The following BTRC variants were observed in gnomAD, a reference collection of about 807,000 sequenced individuals.
The protein encoded by BTRC is F-box/WD repeat-containing protein 1A.
In BTRC, 42 loss-of-function variants were observed where a neutral mutation model predicts 85.5. The ratio of observed to expected loss-of-function variants is 0.49; its 90% CI spans 0.38 to 0.64. The LOEUF (loss-of-function observed/expected upper bound fraction) is 0.64. Ranked by LOEUF, BTRC falls within the 30% of genes least tolerant of loss-of-function variation. The pLI, the probability that BTRC is intolerant of heterozygous loss-of-function variation, is 0.00. For missense variants in BTRC, 594 were observed against 743.5 expected (o/e 0.80, Z 2.34); for synonymous variants, 255 against 263.3 (o/e 0.97, Z 0.30).
In BTRC at chr10:101,475,266, G is replaced by A. The variant is rs79855966; in HGVS notation, c.235-4102G>A. ...CTGTTTAAAAGAAAAACAGCTGGGC[G>A]TGGTGGCTCACGCCTGCAATCCCAG... On this transcript the variant is annotated intron_variant, in intron 3 of 14. Transcript: ENST00000370187. 4.8e-3 allele frequency among the ~76,000 whole-genome samples: 729 copies of A among 152,280 alleles called. 10 individuals are homozygous for A. Among genetic ancestry groups the A allele is most frequent in the African/African-American group, 0.017 (691 of 41,548 alleles).
At position 101,354,216 on chromosome 10, in the gene BTRC, A is replaced by G. The variant is rs1398490997; in HGVS notation, c.36A>G (p.Ala12=). The change falls in exon 1 of 15, where the codon GCA becomes GCG. Residue 12 remains alanine, a synonymous_variant. Coordinates refer to ENST00000370187, the MANE Select transcript of BTRC (RefSeq NM_033637.4). ...DPAEAVLQEK[A]LKFMCSMPRS... ...CCGAGGCGGTGCTGCAAGAGAAGGCACTCAAGTTTATGGTGAGGAGACGGT... is the reference window on the plus strand; with the variant it reads ...CCGAGGCGGTGCTGCAAGAGAAGGCGCTCAAGTTTATGGTGAGGAGACGGT... 1 of 1,548,998 alleles carries G rather than the reference A, an allele frequency of 6.5e-7. No homozygotes were observed. The highest frequency in any genetic ancestry group is 8.7e-7 in the Non-Finnish European group (1 of 1,146,632).
intron 4 of BTRC, among the ~76,000 whole-genome samples, chr10:101,509,719 A>ATTTT (rs549474862): frequency 5.0e-5 from 6 of 120,350 alleles, no homozygotes; most frequent in African/African-American, 1.8e-4. Flanking sequence ...CACACAGCTA[A>ATTTT]TTTTTTTTTT....
chr10:101,366,997 T>TATATATTTATATATTTATATATATTA (rs1942463425), intron 1 of BTRC, among the ~76,000 whole-genome samples: 2 of 58,018 alleles, frequency 3.4e-5, no homozygotes, highest in African/African-American at 1.4e-4. Flanking sequence ...TATATATTAA[T>TATATATTTATATATTTATATATATTA]ATATATATTT....
intron 1 of BTRC, among the ~76,000 whole-genome samples, chr10:101,355,984 C>G (rs1283150764): frequency 6.6e-6 from 1 of 152,156 alleles, no homozygotes; most frequent in Non-Finnish European, 1.5e-5. Flanking sequence ...AAAACTGTTA[C>G]TGCTTATTTT....
chr10:101,468,655 A>G (rs1945442140), intron 3 of BTRC, among the ~76,000 whole-genome samples: 1 of 152,126 alleles, frequency 6.6e-6, no homozygotes. Context: ...CTGTCTTCCT[A>G]TACCCCCACT....
chr10:101,459,872 C>T (rs547024597), intron 2 of BTRC, among the ~76,000 whole-genome samples: 1 of 152,090 alleles, frequency 6.6e-6, no homozygotes, highest in Non-Finnish European at 1.5e-5. Flanking sequence ...GACTATTTTT[C>T]ACTTTATAAT....
intron 1 of BTRC, among the ~76,000 whole-genome samples, chr10:101,381,373 G>A (rs926930980): frequency 6.6e-6 from 1 of 152,166 alleles, no homozygotes; most frequent in Non-Finnish European, 1.5e-5. Context: ...AGTGAGTGTG[G>A]TTAATCATTG....
At chr10:101,355,470 G>A (rs978030395) in intron 1 of BTRC, among the ~76,000 whole-genome samples, 2 of 152,146 alleles carry the variant, frequency 1.3e-5, no homozygotes, top group Non-Finnish European at 2.9e-5. Context: ...TTAATCTGAT[G>A]CTTTTTGTAT....
intron 2 of BTRC, among the ~76,000 whole-genome samples, chr10:101,434,454 C>A (rs912183278): frequency 6.6e-6 from 1 of 151,866 alleles, no homozygotes; most frequent in Admixed American, 6.6e-5. Flanking sequence ...GGATCATAGA[C>A]CTAAATCGGA....
intron 1 of BTRC, among the ~76,000 whole-genome samples, chr10:101,361,365 C>T (rs187562632): frequency 0.012 from 1,846 of 152,296 alleles, 20 homozygotes; most frequent in Middle Eastern, 0.027. Context: ...CTCAGCCTCC[C>T]TAAGTGCTGG....
At chr10:101,485,473 G>T (rs1408796139) in intron 4 of BTRC, among the ~76,000 whole-genome samples, 1 of 152,188 alleles carries the variant, frequency 6.6e-6, no homozygotes, top group Non-Finnish European at 1.5e-5. Flanking sequence ...CAGGACCCAG[G>T]TTTTAGTGCT....
intron 4 of BTRC, among the ~76,000 whole-genome samples, chr10:101,498,827 C>T (rs1946330260): frequency 6.6e-6 from 1 of 152,020 alleles, no homozygotes. Flanking sequence ...CCCGTCTCTA[C>T]TAAAAATACA....
At chr10:101,402,730 A>G (rs992025545) in intron 1 of BTRC, among the ~76,000 whole-genome samples, 1 of 152,196 alleles carries the variant, frequency 6.6e-6, no homozygotes, top group Non-Finnish European at 1.5e-5. Context: ...AAAGTCATAC[A>G]ATTGGTTTGA....
At chr10:101,455,060 CTTTT>C (rs34039959) in intron 2 of BTRC, among the ~76,000 whole-genome samples, 14 of 143,360 alleles carry the variant, frequency 9.8e-5, no homozygotes, top group Middle Eastern at 3.6e-3. Context: ...ATCCAAGAAA[CTTTT>C]TTTTTTTTTT....
At chr10:101,362,046 C>T (rs559324137) in intron 1 of BTRC, among the ~76,000 whole-genome samples, 44 of 152,238 alleles carry the variant, frequency 2.9e-4, no homozygotes, top group African/African-American at 8.2e-4. Context: ...CTGCAACCCC[C>T]GACTCCCTGG....
At chr10:101,502,718 A>G (rs1946426785) in intron 4 of BTRC, among the ~76,000 whole-genome samples, 1 of 152,180 alleles carries the variant, frequency 6.6e-6, no homozygotes, top group Non-Finnish European at 1.5e-5. Context: ...AAAAAGCAAT[A>G]CCCACCTCCT....
intron 1 of BTRC, among the ~76,000 whole-genome samples, chr10:101,366,939 T>TATATAA (rs1942441874): frequency 1.3e-4 from 1 of 7,856 alleles, no homozygotes; most frequent in South Asian, 2.2e-3. Flanking sequence ...TATATATATT[T>TATATAA]ATATATATTT....
chr10:101,365,574 C>G (rs1942348672), intron 1 of BTRC, among the ~76,000 whole-genome samples: 2 of 151,916 alleles, frequency 1.3e-5, no homozygotes, highest in Non-Finnish European at 2.9e-5. Context: ...CTTCCGGGTT[C>G]AAGCAATTCT....
intron 4 of BTRC, among the ~76,000 whole-genome samples, chr10:101,510,371 G>T (rs765646565): frequency 1.3e-5 from 2 of 151,794 alleles, no homozygotes; most frequent in African/African-American, 4.8e-5. Flanking sequence ...TTAGCCGAGC[G>T]TGGTGGTGGG....
Sources: allele counts gnomAD v4.1 joint callset (sites outside exome capture counted in the v4.1 genomes callset), GRCh38; gene constraint gnomAD v4.1.1; transcripts MANE v1.5; gene names NCBI Gene and HGNC (gene_info 2026-07-23, HGNC 2026-07-21).